The following LRMDA variants were observed in gnomAD, a reference collection of about 807,000 sequenced individuals.
LRMDA encodes leucine-rich melanocyte differentiation-associated protein.
A neutral mutation model predicts 29.8 loss-of-function variants in LRMDA; 18 were observed. The ratio of observed to expected loss-of-function variants is 0.60; its 90% CI spans 0.42 to 0.90. The LOEUF (loss-of-function observed/expected upper bound fraction) is 0.90. Ranked by LOEUF, LRMDA falls within the 40% of genes least tolerant of loss-of-function variation. The pLI, the probability that LRMDA is intolerant of heterozygous loss-of-function variation, is 0.00. For missense variants in LRMDA, 273 were observed against 273.9 expected (o/e 1.00, Z 0.02); for synonymous variants, 125 against 109.4 (o/e 1.14, Z -0.89).
intron 6 of LRMDA, among the ~76,000 whole-genome samples, chr10:76,511,841 C>CTTT (rs139260230): frequency 2.1e-5 from 3 of 144,084 alleles, no homozygotes; most frequent in African/African-American, 5.1e-5. Context: ...TCTCAGCTGG[C>CTTT]TTTTTTTTTT....
chr10:76,442,321 C>T (rs1018361730), intron 6 of LRMDA, among the ~76,000 whole-genome samples: 10 of 152,164 alleles, frequency 6.6e-5, no homozygotes, highest in Admixed American at 6.5e-4. Context: ...GCTTTAATCC[C>T]AGACATTTGC....
At chr10:76,204,647 C>G (rs147120798) in intron 5 of LRMDA, among the ~76,000 whole-genome samples, 1 of 152,314 alleles carries the variant, frequency 6.6e-6, no homozygotes, top group African/African-American at 2.4e-5. Context: ...AGGGCTCTTT[C>G]CCTAAGATAC....
intron 6 of LRMDA, among the ~76,000 whole-genome samples, chr10:76,376,373 A>G (rs1247137685): frequency 6.6e-6 from 1 of 152,064 alleles, no homozygotes; most frequent in Middle Eastern, 3.2e-3. Flanking sequence ...CATATATATC[A>G]TGCCTCTCTA....
chr10:76,320,667 T>C (rs1280086947), intron 5 of LRMDA, among the ~76,000 whole-genome samples: 1 of 152,218 alleles, frequency 6.6e-6, no homozygotes, highest in Admixed American at 6.5e-5. Flanking sequence ...AGAAAACTTT[T>C]AAAAATAATG....
intron 5 of LRMDA, among the ~76,000 whole-genome samples, chr10:76,189,847 T>C (rs768965057): frequency 2.0e-5 from 3 of 152,178 alleles, no homozygotes; most frequent in Admixed American, 6.5e-5. Context: ...CCTGTCCTTA[T>C]AGTGGCTTTC....
chr10:76,227,388 T>A (rs935247923), intron 5 of LRMDA, among the ~76,000 whole-genome samples: 4 of 152,208 alleles, frequency 2.6e-5, no homozygotes, highest in African/African-American at 9.7e-5. Flanking sequence ...TTCTCTGTTT[T>A]TTCTTCCTTC....
At chr10:75,589,169 A>C (rs1359282314) in intron 2 of LRMDA, among the ~76,000 whole-genome samples, 1 of 152,194 alleles carries the variant, frequency 6.6e-6, no homozygotes, top group Non-Finnish European at 1.5e-5. Context: ...ATTTTGATAG[A>C]GATTGCCAAA....
chr10:76,300,678 A>G (rs536268611), intron 5 of LRMDA, among the ~76,000 whole-genome samples: 12 of 152,102 alleles, frequency 7.9e-5, no homozygotes, highest in African/African-American at 2.4e-4. Context: ...CCCTTTTTCT[A>G]TGGTAGTTAT....
chr10:75,493,348 G>GGTGGGTGTGTGTGTGTGT (rs148712950), intron 2 of LRMDA, among the ~76,000 whole-genome samples: 7 of 133,270 alleles, frequency 5.3e-5, no homozygotes, highest in African/African-American at 1.4e-4. Context: ...GTTGAGATTG[G>GGTGGGTGTGTGTGTGTGT]GTGTGTGTGT....
intron 1 of LRMDA, among the ~76,000 whole-genome samples, chr10:75,433,923 A>G (rs933327196): frequency 1.3e-5 from 2 of 152,130 alleles, no homozygotes; most frequent in African/African-American, 2.4e-5. Context: ...TAATGCCACT[A>G]TGGGTTGACT....
chr10:76,471,994 C>T (rs1842622571), intron 6 of LRMDA, among the ~76,000 whole-genome samples: 1 of 151,600 alleles, frequency 6.6e-6, no homozygotes, highest in Admixed American at 6.6e-5. Flanking sequence ...GTGTTCAATA[C>T]CCCACTCTTA....
At chr10:75,846,183 G>GTT (rs1272326654) in intron 2 of LRMDA, among the ~76,000 whole-genome samples, 2 of 136,854 alleles carry the variant, frequency 1.5e-5, no homozygotes, top group Admixed American at 1.4e-4. Flanking sequence ...GTGTTTGTGT[G>GTT]TGTGTGTGTG....
intron 2 of LRMDA, among the ~76,000 whole-genome samples, chr10:75,798,600 G>A (rs1474645286): frequency 1.3e-5 from 2 of 151,990 alleles, no homozygotes; most frequent in Non-Finnish European, 2.9e-5. Flanking sequence ...AGCATTTAAA[G>A]CTATAATTTT....
At chr10:76,425,953 A>C (rs1481283271) in intron 6 of LRMDA, among the ~76,000 whole-genome samples, 1 of 152,194 alleles carries the variant, frequency 6.6e-6, no homozygotes, top group African/African-American at 2.4e-5. Context: ...ATGGCTGCAT[A>C]GTATTCCATG....
chr10:75,547,606 A>G (rs1840095153), intron 2 of LRMDA, among the ~76,000 whole-genome samples: 1 of 152,218 alleles, frequency 6.6e-6, no homozygotes, highest in South Asian at 2.1e-4. Context: ...GCAGCAGCTT[A>G]CTGCCCCATC....
intron 2 of LRMDA, among the ~76,000 whole-genome samples, chr10:75,778,343 G>T (rs918827683): frequency 6.6e-6 from 1 of 152,174 alleles, no homozygotes; most frequent in Admixed American, 6.5e-5. Flanking sequence ...CTCCCAAAGT[G>T]CTGGGATTAC....
At chr10:75,916,367 C>T (rs938750270) in intron 2 of LRMDA, among the ~76,000 whole-genome samples, 16 of 152,084 alleles carry the variant, frequency 1.1e-4, no homozygotes, top group African/African-American at 3.9e-4. Context: ...TGGCTGGGCT[C>T]CTCAGAGCTC....
At chr10:76,401,279 C>A (rs1411024861) in intron 6 of LRMDA, among the ~76,000 whole-genome samples, 1 of 152,142 alleles carries the variant, frequency 6.6e-6, no homozygotes, top group African/African-American at 2.4e-5. Context: ...CACAGGACAG[C>A]AAAACAGAAG....
At chr10:75,909,719 C>T (rs1845814336) in intron 2 of LRMDA, among the ~76,000 whole-genome samples, 1 of 152,038 alleles carries the variant, frequency 6.6e-6, no homozygotes, top group Non-Finnish European at 1.5e-5. Flanking sequence ...AATAATAGTG[C>T]CTATATCCTA....
Sources: allele counts gnomAD v4.1 joint callset (sites outside exome capture counted in the v4.1 genomes callset), GRCh38; gene constraint gnomAD v4.1.1; transcripts MANE v1.5; gene names NCBI Gene and HGNC (gene_info 2026-07-23, HGNC 2026-07-21).